The following EPHB1 variants were observed in gnomAD, a reference collection of about 807,000 sequenced individuals.
EPHB1 encodes ephrin type-B receptor 1.
A neutral mutation model predicts 94.4 loss-of-function variants in EPHB1; 30 were observed. That is an observed-to-expected ratio of 0.32 (90% confidence interval 0.24 to 0.43). EPHB1 has a LOEUF of 0.43. Ranked by LOEUF, EPHB1 falls within the 20% of genes least tolerant of loss-of-function variation. The pLI is 1.00. For missense variants in EPHB1, 1,055 were observed against 1,308.3 expected (o/e 0.81, Z 2.99); for synonymous variants, 522 against 489.1 (o/e 1.07, Z -0.89).
chr3:134,891,724 G>A (rs544401350), intron 1 of EPHB1, among the ~76,000 whole-genome samples: 3 of 152,226 alleles, frequency 2.0e-5, no homozygotes, highest in Middle Eastern at 3.4e-3. Context: ...ACTTACTTAG[G>A]ACATTTGCAT....
intron 1 of EPHB1, among the ~76,000 whole-genome samples, chr3:134,868,185 A>T (rs185243314): frequency 6.6e-6 from 1 of 152,344 alleles, no homozygotes; most frequent in Non-Finnish European, 1.5e-5. Context: ...AATGCTACTT[A>T]AGATCTCTGG....
chr3:135,005,125 A>C (rs961034801), intron 3 of EPHB1, among the ~76,000 whole-genome samples: 1 of 152,186 alleles, frequency 6.6e-6, no homozygotes, highest in Non-Finnish European at 1.5e-5. Flanking sequence ...GGTGATGTAC[A>C]GATGGGTTTT....
chr3:135,171,881 A>G (rs1373682353), intron 9 of EPHB1, among the ~76,000 whole-genome samples: 1 of 152,226 alleles, frequency 6.6e-6, no homozygotes, highest in Non-Finnish European at 1.5e-5. Flanking sequence ...CAGAGAGAAC[A>G]AGTAACCTGT....
At chr3:134,882,774 C>CTTTTTTCTTTCTTTCTTTCTTTCT in intron 1 of EPHB1, among the ~76,000 whole-genome samples, 1 of 52,482 alleles carries the variant, frequency 1.9e-5, no homozygotes, top group East Asian at 5.0e-4. Context: ...TCCTTTCTTT[C>CTTTTTTCTTTCTTTCTTTCTTTCT]TTTCTTTCTT....
At chr3:135,237,157 C>G (rs978853160) in intron 12 of EPHB1, among the ~76,000 whole-genome samples, 4 of 152,062 alleles carry the variant, frequency 2.6e-5, no homozygotes, top group African/African-American at 9.7e-5. Flanking sequence ...ACACCAAGAG[C>G]TTCTACCTGT....
At chr3:134,860,015 T>C (rs370278962) in intron 1 of EPHB1, among the ~76,000 whole-genome samples, 2 of 152,146 alleles carry the variant, frequency 1.3e-5, no homozygotes, top group South Asian at 2.1e-4. Context: ...GAAATAAATA[T>C]ATTATGTATT....
intron 12 of EPHB1, among the ~76,000 whole-genome samples, chr3:135,236,350 T>A (rs1021903828): frequency 3.9e-5 from 6 of 152,060 alleles, no homozygotes; most frequent in African/African-American, 1.4e-4. Flanking sequence ...GCATGAAATG[T>A]AGGGCTCATC....
intron 1 of EPHB1, among the ~76,000 whole-genome samples, chr3:134,896,151 G>A (rs1255210890): frequency 1.3e-5 from 2 of 151,994 alleles, no homozygotes; most frequent in East Asian, 1.9e-4. Context: ...GAGGCCAGGG[G>A]CTAAGCTCTA....
intron 3 of EPHB1, among the ~76,000 whole-genome samples, chr3:135,034,373 C>T (rs1279456499): frequency 6.6e-6 from 1 of 152,108 alleles, no homozygotes. Flanking sequence ...AGGCAGACTT[C>T]AAAGTACAGC....
chr3:135,062,876 G>A (rs1320811482), intron 3 of EPHB1, among the ~76,000 whole-genome samples: 1 of 152,140 alleles, frequency 6.6e-6, no homozygotes, highest in Non-Finnish European at 1.5e-5. Context: ...AGTGACAGAT[G>A]AGGATCCAGC....
At chr3:135,188,121 C>T (rs544620567) in intron 10 of EPHB1, among the ~76,000 whole-genome samples, 18 of 151,322 alleles carry the variant, frequency 1.2e-4, no homozygotes, top group African/African-American at 3.9e-4. Flanking sequence ...ATCTCTTGAA[C>T]GTGGGAAGTG....
intron 4 of EPHB1, among the ~76,000 whole-genome samples, chr3:135,123,959 A>C (rs906917413): frequency 1.7e-4 from 26 of 151,570 alleles, no homozygotes; most frequent in African/African-American, 5.9e-4. Context: ...AAGTCTAAGC[A>C]TGCCATTTCT....
chr3:135,072,715 C>T (rs1937768242), intron 3 of EPHB1, among the ~76,000 whole-genome samples: 1 of 152,226 alleles, frequency 6.6e-6, no homozygotes, highest in Admixed American at 6.5e-5. Flanking sequence ...CTGGCACGCC[C>T]TCTCTTCTCC....
At chr3:135,126,929 T>G (rs1940231125) in intron 4 of EPHB1, among the ~76,000 whole-genome samples, 1 of 152,192 alleles carries the variant, frequency 6.6e-6, no homozygotes, top group African/African-American at 2.4e-5. Flanking sequence ...TAGGTCAGTC[T>G]TAATTACATG....
intron 1 of EPHB1, among the ~76,000 whole-genome samples, chr3:134,824,242 G>A (rs1312916750): frequency 6.6e-6 from 1 of 151,392 alleles, no homozygotes; most frequent in Non-Finnish European, 1.5e-5. Flanking sequence ...GGCGTATCAG[G>A]GTGGAGATGA....
intron 12 of EPHB1, among the ~76,000 whole-genome samples, chr3:135,240,063 TC>T (rs1180753976): frequency 6.6e-6 from 1 of 152,152 alleles, no homozygotes; most frequent in East Asian, 1.9e-4. Context: ...CTCTAACAGC[TC>T]CTGCCTGCCT....
chr3:134,860,055 G>A (rs1014378327), intron 1 of EPHB1, among the ~76,000 whole-genome samples: 1 of 151,446 alleles, frequency 6.6e-6, no homozygotes, highest in Non-Finnish European at 1.5e-5. Flanking sequence ...TTTTTCTTTT[G>A]ATAAACACTG....
chr3:134,879,097 G>C (rs1201576499), intron 1 of EPHB1, among the ~76,000 whole-genome samples: 1 of 152,164 alleles, frequency 6.6e-6, no homozygotes, highest in Non-Finnish European at 1.5e-5. Context: ...CACTAGTGGT[G>C]CCTGACTCCC....
At chr3:135,217,526 C>T (rs773381910) in intron 12 of EPHB1, among the ~76,000 whole-genome samples, 27 of 151,818 alleles carry the variant, frequency 1.8e-4, no homozygotes, top group Non-Finnish European at 2.6e-4. Context: ...CATGTTGTTA[C>T]GCAAAGCATA....
Sources: gnomAD v4.1 joint callset for allele counts (sites outside exome capture counted in the v4.1 genomes callset) on GRCh38, gnomAD v4.1.1 for gene constraint, MANE v1.5 for transcripts, NCBI Gene and HGNC (gene_info 2026-07-23, HGNC 2026-07-21) for gene names.